MED12L: variants seen among roughly 807,000 people sequenced by gnomAD.
The protein encoded by MED12L is mediator of RNA polymerase II transcription subunit 12-like protein.
In MED12L, 60 loss-of-function variants were observed where a neutral mutation model predicts 281.3. The ratio of observed to expected loss-of-function variants is 0.21; its 90% CI spans 0.17 to 0.26. The LOEUF is 0.26. MED12L is among the 10% of genes least tolerant of loss of function. The pLI is 1.00. For missense variants in MED12L, 2,146 were observed against 2,680.9 expected (o/e 0.80, Z 4.41); for synonymous variants, 974 against 987.2 (o/e 0.99, Z 0.25).
chr3:151,294,580 C>G (rs1356067261), intron 16 of MED12L: 5 of 1,614,158 alleles, frequency 3.1e-6, no homozygotes, highest in Admixed American at 1.7e-5. Context: ...AACATCCGAT[C>G]AGAATCACCA....
At chr3:151,310,897 G>A (rs745524342) in intron 16 of MED12L, among the ~76,000 whole-genome samples, 1 of 152,190 alleles carries the variant, frequency 6.6e-6, no homozygotes, top group Non-Finnish European at 1.5e-5. Context: ...GGCAGTATGG[G>A]AAATGTACCA....
intron 18 of MED12L, among the ~76,000 whole-genome samples, 173 bp from the exon 19 acceptor site, chr3:151,355,723 A>G (rs1400838916): frequency 6.6e-6 from 1 of 152,252 alleles, no homozygotes; most frequent in Non-Finnish European, 1.5e-5. Flanking sequence ...GTAGTTATGA[A>G]GAAATCATTT....
At chr3:151,292,619 C>T (rs1744412673) in intron 16 of MED12L, among the ~76,000 whole-genome samples, 1 of 151,932 alleles carries the variant, frequency 6.6e-6, no homozygotes, top group East Asian at 1.9e-4. Context: ...GTTGCCCAAG[C>T]TGGAATGCAA....
intron 2 of MED12L, among the ~76,000 whole-genome samples, chr3:151,104,309 C>G (rs1721744172): frequency 6.6e-6 from 1 of 152,172 alleles, no homozygotes; most frequent in Non-Finnish European, 1.5e-5. Context: ...CTACCTCTGG[C>G]CCTCTTCAGG....
intron 16 of MED12L, chr3:151,294,287 G>A (rs765411125): frequency 6.2e-7 from 1 of 1,613,742 alleles, no homozygotes; most frequent in Non-Finnish European, 8.5e-7. Context: ...TCTTGAAAAT[G>A]ACCTACACAT....
intron 25 of MED12L, 120 bp downstream of exon 25, chr3:151,368,371 G>A (rs1336157186): frequency 2.3e-5 from 17 of 747,718 alleles, no homozygotes; most frequent in Non-Finnish European, 4.0e-5. Flanking sequence ...TGCCCTGGGG[G>A]TGATGAAGGG....
chr3:151,427,121 G>T (rs1718964245), intron 43 of MED12L, among the ~76,000 whole-genome samples: 1 of 152,036 alleles, frequency 6.6e-6, no homozygotes. Context: ...GCCTGGCCTG[G>T]TTTACATTTT....
Position 151,355,108 on chromosome 3 carries a change from T to G in MED12L, c.2399-13T>G. 1 of 1,590,854 alleles carries G rather than the reference T, an allele frequency of 6.3e-7. No homozygotes were observed. ...TAAATGGAAAATAATGGATCTGCTT[T>G]ATGTTTATGTAGTTGGGGACGAAGG... On this transcript the variant is annotated splice_polypyrimidine_tract_variant and intron_variant, in intron 17 of 44. Transcript: ENST00000687756.
chr3:151,369,407 A>T (rs372064395), intron 25 of MED12L, 29 bp from the exon 26 acceptor site: 4 of 1,425,904 alleles, frequency 2.8e-6, no homozygotes, highest in Non-Finnish European at 3.9e-6. Context: ...GATGGTAATG[A>T]GACTATTAAA....
In MED12L at chr3:151,147,369, A is replaced by G. The variant is rs555635123; in HGVS notation, c.557-8792A>G. 7.2e-5 allele frequency among the ~76,000 whole-genome samples: 11 copies of G among 152,372 alleles called. No homozygotes were observed. The East Asian group carries it at 2.1e-3, about 29-fold the overall frequency. ...ATTTGAATATTAAAAAACCAGCTTTATTGATATAATTGAAATACTATATAA... is the reference window on the plus strand; with the variant it reads ...ATTTGAATATTAAAAAACCAGCTTTGTTGATATAATTGAAATACTATATAA... On this transcript the variant is annotated intron_variant, in intron 5 of 44. Transcript: ENST00000687756.
chr3:151,411,086 A>G (rs111503390), intron 40 of MED12L, among the ~76,000 whole-genome samples, 192 bp from the exon 41 acceptor site: 1 of 152,120 alleles, frequency 6.6e-6, no homozygotes, highest in African/African-American at 2.4e-5. Flanking sequence ...CAGCCAGATC[A>G]TTCTGTGGCT....
intron 19 of MED12L, among the ~76,000 whole-genome samples, 185 bp downstream of exon 19, chr3:151,356,224 A>ACCCC (rs1412793327): frequency 1.3e-5 from 2 of 151,926 alleles, no homozygotes; most frequent in Non-Finnish European, 2.9e-5. Context: ...ACTTAGTGAG[A>ACCCC]CCCCATCTCC....
rs984071118 is a variant in MED12L at position 151,188,056 on chromosome 3, T to G, written c.1627-298T>G. The G allele has an allele frequency of 4.3e-5, 8 of 184,054 alleles. No individual in the cohort carries two copies. In the Admixed American group the frequency reaches 4.5e-4, roughly 10 times the overall value. 11.4% of individuals were successfully genotyped at this position (184,054 alleles called of 1,614,324 possible). ...GGTGTTTTTGAAATCCTTTGAGTTG[T>G]TCTGGGGTAGTTTTTTCCAACTTTT... On this transcript the variant is annotated intron_variant, in intron 12 of 44. Coordinates refer to ENST00000687756, the MANE Select transcript of MED12L (RefSeq NM_001393769.1).
intron 3 of MED12L, among the ~76,000 whole-genome samples, chr3:151,122,460 A>G (rs890928434): frequency 1.3e-5 from 2 of 152,188 alleles, no homozygotes; most frequent in East Asian, 3.9e-4. Context: ...GAAAGGAGAA[A>G]GAGCAGCTGA....
intron 16 of MED12L, chr3:151,295,069 C>T (rs145870688): frequency 1.9e-5 from 31 of 1,613,558 alleles, no homozygotes; most frequent in Non-Finnish European, 2.5e-5. Context: ...CTAAACCATT[C>T]AGCAAGATGC....
In MED12L at chr3:151,413,888, T is replaced by C. The variant is rs557099673; in HGVS notation, c.6297+593T>C. On this transcript the variant is annotated intron_variant, in intron 42 of 44. Transcript: ENST00000687756. ...CCCTTGATACATTTTTTTTTTTTTT[T>C]CCCCTTAAGACGGAGTCTCCCTCTG... Among the ~76,000 whole-genome samples the C allele has an allele frequency of 6.1e-3, 871 of 143,926 alleles. 7 individuals are homozygous for C. The highest frequency in any genetic ancestry group is 0.025 in the South Asian group (113 of 4,494). 94.4% of individuals were successfully genotyped at this position (143,926 alleles called of 152,430 possible). A position where few individuals can be genotyped will look rare whatever the true frequency, so the allele number is the denominator to read the frequency against.
chr3:151,307,724 C>A (rs897204256), intron 16 of MED12L, among the ~76,000 whole-genome samples: 1 of 152,124 alleles, frequency 6.6e-6, no homozygotes, highest in African/African-American at 2.4e-5. Flanking sequence ...CAGGATTCAA[C>A]AACCTGCCCA....
intron 5 of MED12L, among the ~76,000 whole-genome samples, chr3:151,149,389 C>T (rs1249348885): frequency 1.3e-5 from 2 of 152,210 alleles, no homozygotes; most frequent in East Asian, 3.9e-4. Context: ...TATGTTTACA[C>T]TGTATTGTAG....
chr3:151,148,453 A>G (rs1276376506), intron 5 of MED12L, among the ~76,000 whole-genome samples: 1 of 152,150 alleles, frequency 6.6e-6, no homozygotes, highest in African/African-American at 2.4e-5. Flanking sequence ...TTGATTTTGC[A>G]TTTTTTCTCT....
Sources: gnomAD v4.1 joint callset for allele counts (sites outside exome capture counted in the v4.1 genomes callset) on GRCh38, gnomAD v4.1.1 for gene constraint, MANE v1.5 for transcripts, NCBI Gene and HGNC (gene_info 2026-07-23, HGNC 2026-07-21) for gene names.